Variants in TASOR observed in about 807,000 individuals in gnomAD.
The protein encoded by TASOR is transcription activation suppressor.
Under a neutral mutation model 178.6 loss-of-function variants are expected in TASOR, and 53 were observed. The ratio of observed to expected loss-of-function variants is 0.30; its 90% CI spans 0.24 to 0.37. The LOEUF (loss-of-function observed/expected upper bound fraction) is 0.37. TASOR is among the 10% of genes least tolerant of loss of function. The pLI, the probability that TASOR is intolerant of heterozygous loss-of-function variation, is 1.00. For synonymous variants in TASOR, 713 were observed against 696.2 expected, an observed-to-expected ratio of 1.02 and a Z score of -0.38; for missense variants, 1,815 against 1,971.4, an observed-to-expected ratio of 0.92 and a Z score of 1.50.
chr3:56,625,236 T>C (rs2076772376), intron 21 of TASOR, among the ~76,000 whole-genome samples: 1 of 152,256 alleles, frequency 6.6e-6, no homozygotes, highest in East Asian at 1.9e-4. Flanking sequence ...CAGCTTAGGC[T>C]AAAATCTCAG....
At chr3:56,665,379 G>A (rs1007210520) in intron 7 of TASOR, among the ~76,000 whole-genome samples, 1 of 151,904 alleles carries the variant, frequency 6.6e-6, no homozygotes, top group African/African-American at 2.4e-5. Context: ...AAATACAGAC[G>A]AAGTCTTGCT....
chr3:56,625,813 G>A (rs1272520175), intron 21 of TASOR, among the ~76,000 whole-genome samples: 2 of 151,744 alleles, frequency 1.3e-5, no homozygotes, highest in African/African-American at 4.8e-5. Context: ...TAGTACAGAT[G>A]GGGTTTCACC....
rs2076709303 is a variant in TASOR at position 56,622,507 on chromosome 3, TAG to T, written c.*528_*529del. On this transcript the variant is annotated 3_prime_UTR_variant, in exon 24 of 24. Coordinates refer to ENST00000683822, the MANE Select transcript of TASOR (RefSeq NM_001365635.2). ...TAGGCAGTTTTTACATGACTAAGCC[TAG>T]AGATAAAAAATGTGTCCTATGTACA... The T allele has an allele frequency of 6.6e-6, 1 of 152,588 alleles. No homozygotes were observed. Among genetic ancestry groups the T allele is most frequent in the Non-Finnish European group, 1.5e-5 (1 of 67,996 alleles). The allele number at this position is 152,588 out of a possible 1,614,324, so 9.5% of individuals were successfully genotyped here.
chr3:56,679,623 G>T (rs1049169764), intron 1 of TASOR, among the ~76,000 whole-genome samples: 1 of 152,104 alleles, frequency 6.6e-6, no homozygotes, highest in East Asian at 1.9e-4. Context: ...GTGCATGAGC[G>T]CAATTAATTT....
intron 18 of TASOR, among the ~76,000 whole-genome samples, chr3:56,632,133 G>C (rs2107542497): frequency 6.6e-6 from 1 of 152,156 alleles, no homozygotes; most frequent in East Asian, 1.9e-4. Context: ...ATAAACCCTG[G>C]CAACTTAACT....
At chr3:56,676,540 A>G (rs2031314522) in intron 1 of TASOR, among the ~76,000 whole-genome samples, 1 of 152,218 alleles carries the variant, frequency 6.6e-6, no homozygotes. Flanking sequence ...TGGGCCAAGC[A>G]TGATTTTAAA....
At chr3:56,663,243 CTCTAAT>C (rs1264196544) in intron 8 of TASOR, among the ~76,000 whole-genome samples, 2 of 152,144 alleles carry the variant, frequency 1.3e-5, no homozygotes, top group Admixed American at 6.5e-5. Flanking sequence ...TTTCAATCTT[CTCTAAT>C]TCTAAGTCCT....
intron 1 of TASOR, among the ~76,000 whole-genome samples, chr3:56,675,805 C>G (rs1427153972): frequency 2.0e-5 from 3 of 152,132 alleles, no homozygotes; most frequent in Non-Finnish European, 4.4e-5. Flanking sequence ...ACAGATGCAG[C>G]GAACCGTTAT....
At chr3:56,632,948 C>T in intron 18 of TASOR, 96 bp downstream of exon 18, 1 of 1,043,262 alleles carries the variant, frequency 9.6e-7, no homozygotes, top group Non-Finnish European at 1.3e-6. Context: ...AACATTTAAA[C>T]ACAAAACATT....
chr3:56,654,811 G>T (rs2077435145), intron 11 of TASOR, among the ~76,000 whole-genome samples: 1 of 152,142 alleles, frequency 6.6e-6, no homozygotes, highest in African/African-American at 2.4e-5. Flanking sequence ...TGAGTCTTGA[G>T]CCTGCCAGCC....
At chr3:56,671,220 C>A (rs989375766) in intron 3 of TASOR, 3 of 159,246 alleles carry the variant, frequency 1.9e-5, no homozygotes, top group South Asian at 1.8e-4. Context: ...GTTTCTGTAA[C>A]CCCATGTACT....
chr3:56,670,940 CAAAAAAAAAAAAA>C (rs11300845), intron 3 of TASOR, among the ~76,000 whole-genome samples: 1 of 54,190 alleles, frequency 1.8e-5, no homozygotes, highest in African/African-American at 7.4e-5. Context: ...GACTCCATCT[CAAAAAAAAAAAAA>C]AAAAAAAAAG....
In TASOR at chr3:56,633,663, T is replaced by C. The variant is rs369276871; in HGVS notation, c.3128A>G (p.Tyr1043Cys). The change falls in exon 18 of 24, where the codon TAT becomes TGT. Residue 1043 changes from tyrosine to cysteine, a missense_variant. This residue lies in a region of TASOR where 655 missense variants were observed against 671.1 expected (regional missense o/e 0.98). Transcript: ENST00000683822. The stretch of plus-strand genomic sequence containing the variant: ...GATAGGTGTGGAAACTGTACTGACA[T>C]ATGAAACATTCTTTTGCTTCAAAAT... Reference protein sequence around the residue: ...EEILKQKNVSYVSTVSTPIFS... With the variant: ...EEILKQKNVSCVSTVSTPIFS... 6.2e-6 allele frequency: 10 copies of C among 1,614,046 alleles called. No individual in the cohort carries two copies. The highest frequency in any genetic ancestry group is 3.3e-5 in the South Asian group (3 of 91,080).
At chr3:56,666,235 G>T in intron 7 of TASOR, 25 bp downstream of exon 7, 1 of 1,511,160 alleles carries the variant, frequency 6.6e-7, no homozygotes, top group South Asian at 1.3e-5. Flanking sequence ...CACTGCGGAT[G>T]ATGTCTAAAA....
chr3:56,656,782 C>T (rs570014873), intron 11 of TASOR, among the ~76,000 whole-genome samples: 304 of 151,998 alleles, frequency 2.0e-3, no homozygotes, highest in Non-Finnish European at 2.8e-3. Flanking sequence ...GAGGTCGAGG[C>T]AGGCAGATGA....
At chr3:56,674,058 C>T (rs2031018060) in intron 1 of TASOR, among the ~76,000 whole-genome samples, 1 of 152,022 alleles carries the variant, frequency 6.6e-6, no homozygotes, top group African/African-American at 2.4e-5. Context: ...CTCAACTTAG[C>T]TCCTATTTTA....
At position 56,668,539 on chromosome 3, in the gene TASOR, T is replaced by C. The variant is rs756294047; in HGVS notation, c.755A>G (p.Tyr252Cys). Residue 252 changes from tyrosine (Y) to cysteine (C), a missense_variant, in exon 6 of 24, where the codon TAT becomes TGT. By Grantham distance (194) the Tyr-to-Cys change is radical (BLOSUM62 -2). Around this residue, in one of 5 missense-constraint regions of TASOR, gnomAD observed 504 missense variants for 645.3 expected, o/e 0.78. Coordinates refer to ENST00000683822, the MANE Select transcript of TASOR (RefSeq NM_001365635.2). ...KIMKGKIKSI[Y>C]DPMGVKSLES... ...CAAACTTTTTACACCCATGGGGTCA[T>C]ATATACTCTTTATTTTACCCTAAAA... 95 of 1,546,022 alleles carry C rather than the reference T, an allele frequency of 6.1e-5. No individual in the cohort carries two copies. The Middle Eastern group carries it at 8.4e-4, about 14-fold the overall frequency.
At chr3:56,659,236 A>C (rs2077541942) in intron 11 of TASOR, among the ~76,000 whole-genome samples, 1 of 151,998 alleles carries the variant, frequency 6.6e-6, no homozygotes, top group Non-Finnish European at 1.5e-5. Flanking sequence ...GAGGCTCAAC[A>C]AAGTGAGAAG....
chr3:56,671,575 T>A (rs1412698973), intron 3 of TASOR, 25 bp downstream of exon 3: 2 of 1,498,712 alleles, frequency 1.3e-6, no homozygotes, highest in Non-Finnish European at 1.8e-6. Context: ...CCCCAAATTG[T>A]TTTTTATAAA....
Sources: gnomAD v4.1 joint callset for allele counts (sites outside exome capture counted in the v4.1 genomes callset) on GRCh38, gnomAD v4.1.1 for gene constraint, gnomAD v4.1.1 regional missense constraint, MANE v1.5 for transcripts, NCBI Gene and HGNC (gene_info 2026-07-23, HGNC 2026-07-21) for gene names.